Variants in LRFN5 observed in about 807,000 individuals in gnomAD.
The protein encoded by LRFN5 is leucine rich repeat and fibronectin type III domain containing 5.
A neutral mutation model predicts 45.6 loss-of-function variants in LRFN5; 24 were observed. That is an observed-to-expected ratio of 0.53 (90% CI 0.38 to 0.74). LRFN5 has a LOEUF of 0.74. Among genes scored for constraint, LRFN5 ranks in the 30% least tolerant of loss-of-function variants. LRFN5 has a pLI of 0.00. For synonymous variants in LRFN5, 340 were observed against 313.8 expected (o/e 1.08, Z -0.88); for missense variants, 776 against 861.5 (o/e 0.90, Z 1.24).
intron 2 of LRFN5, among the ~76,000 whole-genome samples, chr14:41,879,911 T>A (rs1025185381): frequency 1.1e-4 from 16 of 140,088 alleles, no homozygotes; most frequent in Non-Finnish European, 2.3e-4. Context: ...AGGGATCAAT[T>A]TTTCCTTTTT....
chr14:41,880,734 C>G (rs778318991), intron 2 of LRFN5, among the ~76,000 whole-genome samples: 17 of 152,078 alleles, frequency 1.1e-4, no homozygotes, highest in Non-Finnish European at 2.1e-4. Context: ...GAGTTCGTAT[C>G]TCCAATTGTA....
intron 1 of LRFN5, among the ~76,000 whole-genome samples, chr14:41,745,770 A>G (rs1884895896): frequency 6.8e-6 from 1 of 146,560 alleles, no homozygotes; most frequent in Non-Finnish European, 1.5e-5. Context: ...ATAACCCTAC[A>G]TGAAATGACA....
chr14:41,666,264 T>C (rs1046693050), intron 1 of LRFN5, among the ~76,000 whole-genome samples: 2 of 152,028 alleles, frequency 1.3e-5, no homozygotes, highest in Admixed American at 1.3e-4. Flanking sequence ...GCACTTGTGG[T>C]TACAAGACAT....
chr14:41,671,690 C>T (rs1323397372), intron 1 of LRFN5, among the ~76,000 whole-genome samples: 2 of 137,948 alleles, frequency 1.4e-5, no homozygotes, highest in Non-Finnish European at 3.0e-5. Flanking sequence ...TATCTAGGCT[C>T]ACTGCAACCT....
intron 1 of LRFN5, among the ~76,000 whole-genome samples, chr14:41,735,387 C>A (rs187628887): frequency 6.6e-6 from 1 of 152,206 alleles, no homozygotes; most frequent in East Asian, 1.9e-4. Context: ...CCTACCTCAG[C>A]CTGCTGACTA....
chr14:41,886,296 T>G (rs1340910884), intron 2 of LRFN5, among the ~76,000 whole-genome samples: 1 of 152,168 alleles, frequency 6.6e-6, no homozygotes, highest in Non-Finnish European at 1.5e-5. Context: ...GCTGTATATC[T>G]CTTTTGGTTC....
intron 1 of LRFN5, among the ~76,000 whole-genome samples, chr14:41,645,440 G>T (rs1288322925): frequency 1.3e-5 from 2 of 152,116 alleles, no homozygotes; most frequent in Non-Finnish European, 2.9e-5. Context: ...TCATCATGTT[G>T]GCCAGGCTGG....
intron 2 of LRFN5, among the ~76,000 whole-genome samples, chr14:41,775,987 T>C (rs1886279716): frequency 6.6e-6 from 1 of 152,188 alleles, no homozygotes; most frequent in South Asian, 2.1e-4. Context: ...GGATTTTCTT[T>C]AGGTAGTTAT....
intron 1 of LRFN5, among the ~76,000 whole-genome samples, chr14:41,747,476 A>G (rs975624470): frequency 6.6e-6 from 1 of 152,060 alleles, no homozygotes; most frequent in Non-Finnish European, 1.5e-5. Context: ...AAAAACATGC[A>G]AAATAATTAA....
chr14:41,860,460 G>A (rs532398770), intron 2 of LRFN5, among the ~76,000 whole-genome samples: 17 of 151,746 alleles, frequency 1.1e-4, no homozygotes, highest in African/African-American at 2.9e-4. Context: ...TTTAATATAC[G>A]TCAGTTCATC....
chr14:41,656,419 G>A, intron 1 of LRFN5, among the ~76,000 whole-genome samples: 1 of 151,964 alleles, frequency 6.6e-6, no homozygotes, highest in East Asian at 1.9e-4. Flanking sequence ...GTATTTGAAT[G>A]TTTTCCTTGG....
chr14:41,779,357 ATTGT>A (rs1176085588), intron 2 of LRFN5, among the ~76,000 whole-genome samples: 3 of 151,800 alleles, frequency 2.0e-5, no homozygotes, highest in South Asian at 2.1e-4. Flanking sequence ...TTTTTCATCC[ATTGT>A]TTGTTCAATT....
chr14:41,683,418 T>C (rs1183037090), intron 1 of LRFN5, among the ~76,000 whole-genome samples: 1 of 152,158 alleles, frequency 6.6e-6, no homozygotes, highest in Non-Finnish European at 1.5e-5. Context: ...GAGACAAAGA[T>C]ACCCACTTTC....
intron 2 of LRFN5, among the ~76,000 whole-genome samples, chr14:41,853,997 C>G (rs1384962313): frequency 6.6e-6 from 1 of 152,060 alleles, no homozygotes; most frequent in East Asian, 1.9e-4. Flanking sequence ...GCTGTGTGCA[C>G]TATTATCACT....
chr14:41,749,846 A>G (rs1371808947), intron 1 of LRFN5, among the ~76,000 whole-genome samples: 2 of 152,076 alleles, frequency 1.3e-5, no homozygotes, highest in Non-Finnish European at 2.9e-5. Flanking sequence ...AGATGAGAAA[A>G]TTTTCATCCT....
intron 1 of LRFN5, among the ~76,000 whole-genome samples, chr14:41,673,860 C>T (rs1881405669): frequency 6.8e-6 from 1 of 147,692 alleles, no homozygotes; most frequent in Admixed American, 6.7e-5. Flanking sequence ...GAACCCCCTA[C>T]CTCCCTCCCA....
In LRFN5 at chr14:41,649,279, A is replaced by G. The variant is rs377571007; in HGVS notation, c.-197+40717A>G. On this transcript the variant is annotated intron_variant, in intron 1 of 5. Coordinates refer to ENST00000298119, the MANE Select transcript of LRFN5 (RefSeq NM_152447.5). ...AAAAAAAGTAAGCACCAGTAAGTAT[A>G]TCAATTTAGTTTTTAGGCTAGAATT... Among the ~76,000 whole-genome samples the G allele has an allele frequency of 3.4e-5, 5 of 149,236 alleles. No homozygotes were observed. The East Asian group carries it at 1.0e-3, about 30-fold the overall frequency.
At chr14:41,835,645 G>C (rs1046491886) in intron 2 of LRFN5, among the ~76,000 whole-genome samples, 1 of 152,158 alleles carries the variant, frequency 6.6e-6, no homozygotes, top group African/African-American at 2.4e-5. Flanking sequence ...AGGGTCGCTT[G>C]AGCCTGGGAG....
chr14:41,645,574 C>A (rs1321323397), intron 1 of LRFN5, among the ~76,000 whole-genome samples: 1 of 152,154 alleles, frequency 6.6e-6, no homozygotes, highest in Admixed American at 6.5e-5. Context: ...AGAGTTTATA[C>A]CTTGTAGATG....
Sources: gnomAD v4.1 joint callset for allele counts (sites outside exome capture counted in the v4.1 genomes callset) on GRCh38, gnomAD v4.1.1 for gene constraint, MANE v1.5 for transcripts, NCBI Gene and HGNC (gene_info 2026-07-23, HGNC 2026-07-21) for gene names.